Variants in HIRA observed in about 807,000 individuals in gnomAD.
HIRA encodes the protein protein HIRA.
In HIRA, 13 loss-of-function variants were observed where a neutral mutation model predicts 126.6. The observed-to-expected ratio is 0.10, with a 90% CI of 0.07 to 0.16. The LOEUF is 0.16. Among genes scored for constraint, HIRA ranks in the 10% least tolerant of loss-of-function variants. The pLI, the probability that HIRA is intolerant of heterozygous loss-of-function variation, is 1.00. For synonymous variants in HIRA, 511 were observed against 520.0 expected, an observed-to-expected ratio of 0.98 and a Z score of 0.24; for missense variants, 834 against 1,314.4, an observed-to-expected ratio of 0.63 and a Z score of 5.65.
intron 8 of HIRA, 72 bp from the exon 9 acceptor site, chr22:19,392,286 C>A: frequency 1.1e-6 from 1 of 871,682 alleles, no homozygotes; most frequent in Non-Finnish European, 1.8e-6. Context: ...CAAGTCCCAG[C>A]CCACTGAAGG....
At chr22:19,423,498 C>CACACACAG (rs1556029251) in intron 1 of HIRA, among the ~76,000 whole-genome samples, 2 of 111,378 alleles carry the variant, frequency 1.8e-5, no homozygotes, top group African/African-American at 6.9e-5. Flanking sequence ...CACACACACA[C>CACACACAG]ACACACACAC....
At chr22:19,349,870 C>A (rs1343244459) in intron 24 of HIRA, among the ~76,000 whole-genome samples, 2 of 152,226 alleles carry the variant, frequency 1.3e-5, no homozygotes, top group Non-Finnish European at 2.9e-5. Context: ...CAAGCTCTCC[C>A]ACCTCAGGCC....
chr22:19,356,817 G>T, intron 19 of HIRA, 73 bp downstream of exon 19: 1 of 1,434,514 alleles, frequency 7.0e-7, no homozygotes, highest in Non-Finnish European at 9.6e-7. Flanking sequence ...CCCTGCCCCT[G>T]CAGTGAGGTG....
intron 15 of HIRA, among the ~76,000 whole-genome samples, chr22:19,363,134 T>C (rs1361629831): frequency 2.7e-5 from 4 of 150,892 alleles, no homozygotes; most frequent in African/African-American, 9.7e-5. Flanking sequence ...CTCGGCAGGC[T>C]GAGGCAGGGC....
In HIRA at chr22:19,351,397, A is replaced by T; in HGVS notation, c.2898T>A (p.Val966=). The stretch of plus-strand genomic sequence containing the variant: ...CCCACTGGCTTCCAGTGGAGTAGTG[A>T]ACCGGACCCAGTAAGTCCTTGCATA... ...REICKDLLGP[V]HYSTGSQWES... The change falls in exon 24 of 25, where the codon GTT becomes GTA. Residue 966 remains valine, a synonymous_variant. Coordinates refer to ENST00000263208, the MANE Select transcript of HIRA (RefSeq NM_003325.4). The surrounding 1 kb of genome is among the most constrained non-coding windows in gnomAD (Gnocchi z 4.8). 1 of 1,613,928 alleles carries T rather than the reference A, an allele frequency of 6.2e-7. No individual in the cohort carries two copies. The highest frequency in any genetic ancestry group is 1.1e-5 in the South Asian group (1 of 91,002).
chr22:19,375,885 C>A, intron 14 of HIRA, 93 bp from the exon 15 acceptor site: 1 of 1,315,358 alleles, frequency 7.6e-7, no homozygotes, highest in Non-Finnish European at 1.0e-6. Context: ...CTAAAAAAGG[C>A]ACAAATATCA....
At chr22:19,431,303 C>G in intron 1 of HIRA, 137 bp downstream of exon 1, 2 of 981,354 alleles carry the variant, frequency 2.0e-6, no homozygotes, top group African/African-American at 3.3e-5. Context: ...AAAGTCCGCT[C>G]CCGCCGGCTT....
At chr22:19,384,329 A>G (rs958448507) in intron 12 of HIRA, among the ~76,000 whole-genome samples, 1 of 151,236 alleles carries the variant, frequency 6.6e-6, no homozygotes, top group African/African-American at 2.4e-5. Flanking sequence ...TCTCAAAAAA[A>G]AAAAAAAAAA....
chr22:19,424,008 C>G (rs968107640), intron 1 of HIRA, among the ~76,000 whole-genome samples: 1 of 152,200 alleles, frequency 6.6e-6, no homozygotes. Context: ...ATCAACTCTA[C>G]CAGCCAAGGA....
At chr22:19,424,872 T>C (rs2089477056) in intron 1 of HIRA, among the ~76,000 whole-genome samples, 1 of 152,204 alleles carries the variant, frequency 6.6e-6, no homozygotes, top group Admixed American at 6.5e-5. Context: ...GGTGCATTAA[T>C]TTAGCAACTT....
intron 15 of HIRA, among the ~76,000 whole-genome samples, chr22:19,374,763 G>A (rs1263732401): frequency 6.6e-6 from 1 of 152,184 alleles, no homozygotes; most frequent in African/African-American, 2.4e-5. Flanking sequence ...GCAAGTTTCT[G>A]ACCAGTGTCC....
intron 15 of HIRA, among the ~76,000 whole-genome samples, chr22:19,367,360 A>G (rs2088923124): frequency 8.0e-6 from 1 of 125,340 alleles, no homozygotes; most frequent in Admixed American, 9.8e-5. Flanking sequence ...CACAGCTTCC[A>G]ATGTACCATT....
In HIRA at chr22:19,331,159, G is replaced by A. The variant is rs1423974637; in HGVS notation, c.*281C>T. On this transcript the variant is annotated 3_prime_UTR_variant, in exon 25 of 25. Coordinates refer to ENST00000263208, the MANE Select transcript of HIRA (RefSeq NM_003325.4). ...GCCGTGCTGGAGACGGCAGGCCTGG[G>A]ACTGCCTTGCTGGCCCCAGGGCACC... The A allele has an allele frequency of 3.7e-6, 5 of 1,366,238 alleles. No homozygotes were observed. In the East Asian group the frequency reaches 1.9e-4, roughly 52 times the overall value. The allele number at this position is 1,366,238 out of a possible 1,614,324, so 84.6% of individuals were successfully genotyped here.
Position 19,361,338 on chromosome 22 carries a change from G to C in HIRA, c.1984C>G (p.Pro662Ala). Residue 662 changes from proline (P) to alanine (A), a missense_variant, in exon 17 of 25, where the codon CCA (proline) becomes GCA (alanine). By Grantham distance (27) the Pro-to-Ala change is conservative (BLOSUM62 -1). Coordinates refer to ENST00000263208, the MANE Select transcript of HIRA (RefSeq NM_003325.4). Reference sequence around the variant, plus strand: ...TCCTTCTCTGCGGTTAGGGCAGCTGGAGACTGGAAGAGCCAGAAACGTTCC... The same window carrying C: ...TCCTTCTCTGCGGTTAGGGCAGCTGCAGACTGGAAGAGCCAGAAACGTTCC... ...LMPVSLSVQS[P>A]AALTAEKEAM... The C allele has an allele frequency of 1.9e-6, 3 of 1,613,910 alleles. No homozygotes were observed. The highest frequency in any genetic ancestry group is 2.5e-6 in the Non-Finnish European group (3 of 1,179,752).
chr22:19,353,126 T>C (rs1320717204), intron 23 of HIRA, among the ~76,000 whole-genome samples: 2 of 152,232 alleles, frequency 1.3e-5, no homozygotes, highest in Non-Finnish European at 2.9e-5. Context: ...TCCGTCCTGC[T>C]GCCTGTCCTG....
chr22:19,382,640 A>G (rs1222315135), intron 13 of HIRA, among the ~76,000 whole-genome samples: 6 of 152,212 alleles, frequency 3.9e-5, no homozygotes, highest in African/African-American at 1.4e-4. Flanking sequence ...GCAGAGGCCT[A>G]AAGTGTGTGG....
At position 19,390,601 on chromosome 22, in the gene HIRA, CAAA is replaced by C. The variant is rs575050947; in HGVS notation, c.936+1497_936+1499del. ...TGGGCAATAGAGGGAGACTCTGTCT[CAAA>C]AAAAAAAAAAAAAAAAAAAAAAAGA... is the stretch of plus-strand genomic sequence containing the variant. On this transcript the variant is annotated intron_variant, in intron 9 of 24. Coordinates refer to ENST00000263208, the MANE Select transcript of HIRA (RefSeq NM_003325.4). 0.019 allele frequency among the ~76,000 whole-genome samples: 745 copies of C among 38,306 alleles called. 26 individuals carry two copies. In the East Asian group the frequency reaches 0.21, roughly 11 times the overall value. The allele number at this position is 38,306 out of a possible 152,430, so 25.1% of individuals were successfully genotyped here.
intron 4 of HIRA, among the ~76,000 whole-genome samples, chr22:19,406,472 C>A (rs973135616): frequency 6.6e-6 from 1 of 152,206 alleles, no homozygotes; most frequent in African/African-American, 2.4e-5. Flanking sequence ...GCCAGAGGAG[C>A]ATCAATCACC....
intron 9 of HIRA, 66 bp from the exon 10 acceptor site, chr22:19,388,620 T>A: frequency 1.6e-6 from 2 of 1,277,820 alleles, no homozygotes; most frequent in African/African-American, 1.5e-5. Context: ...TCAGCTCAGT[T>A]AACATAACCA....
Sources: gnomAD v4.1 joint callset for allele counts (sites outside exome capture counted in the v4.1 genomes callset) on GRCh38, gnomAD v4.1.1 for gene constraint, Gnocchi (gnomAD v3.1) non-coding constraint, MANE v1.5 for transcripts, NCBI Gene and HGNC (gene_info 2026-07-23, HGNC 2026-07-21) for gene names.